Variants in DLGAP1 observed in about 807,000 individuals in gnomAD.
DLGAP1 encodes DLG associated protein 1, also known as disks large-associated protein 1.
Under a neutral mutation model 90.8 loss-of-function variants are expected in DLGAP1, and 11 were observed. The ratio of observed to expected loss-of-function variants is 0.12; its 90% CI spans 0.08 to 0.20. The LOEUF is 0.20. Among genes scored for constraint, DLGAP1 ranks in the 10% least tolerant of loss-of-function variants. The pLI is 1.00. For synonymous variants in DLGAP1, 558 were observed against 540.7 expected, an observed-to-expected ratio of 1.03 and a Z score of -0.44; for missense variants, 1,050 against 1,333.8, an observed-to-expected ratio of 0.79 and a Z score of 3.31.
At chr18:3,642,067 C>G (rs775605872) in intron 7 of DLGAP1, among the ~76,000 whole-genome samples, 2 of 152,138 alleles carry the variant, frequency 1.3e-5, no homozygotes, top group Non-Finnish European at 2.9e-5. Flanking sequence ...TGTGGACACA[C>G]GTGCTAAATT....
intron 1 of DLGAP1, among the ~76,000 whole-genome samples, chr18:4,231,036 T>C (rs2078288908): frequency 6.6e-6 from 1 of 152,146 alleles, no homozygotes; most frequent in Admixed American, 6.6e-5. Flanking sequence ...TTTGTTTCAA[T>C]ACTTGCTCAA....
Position 4,367,463 on chromosome 18 carries a change from G to A in DLGAP1, c.-267+87543C>T, listed in dbSNP as rs370808378. 1.1e-4 allele frequency among the ~76,000 whole-genome samples: 16 copies of A among 152,004 alleles called. No individual in the cohort carries two copies. The East Asian group carries it at 2.3e-3, about 22-fold the overall frequency. On this transcript the variant is annotated intron_variant, in intron 1 of 12. Coordinates refer to ENST00000315677, the MANE Select transcript of DLGAP1 (RefSeq NM_004746.4). ...GCAAAACTTCCTAGCTGAATTCAAT[G>A]TATCTATTTCTTTCAGTATAAAGAA...
At chr18:3,597,278 A>T (rs539107591) in intron 7 of DLGAP1, 6 of 493,224 alleles carry the variant, frequency 1.2e-5, no homozygotes, top group Non-Finnish European at 2.4e-5. Flanking sequence ...AATAAAAGGA[A>T]AAATCTGGAA....
Position 3,534,747 on chromosome 18 carries a change from AG to A in DLGAP1, c.2058-133del, listed in dbSNP as rs1321576007. The A allele has an allele frequency of 5.8e-6, 5 of 862,184 alleles. No individual in the cohort carries two copies. The African/African-American group carries it at 8.9e-5, about 15-fold the overall frequency. The allele number at this position is 862,184 out of a possible 1,614,324, so 53.4% of individuals were successfully genotyped here. On this transcript the variant is annotated intron_variant, in intron 9 of 12. Transcript: ENST00000315677. Reference sequence around the variant, plus strand: ...ACTCTGTCTCCCAGGCTGGAGTGCAAGTGGCGTGATCTCGGCTCACAGCAAC... The same window carrying A: ...ACTCTGTCTCCCAGGCTGGAGTGCAATGGCGTGATCTCGGCTCACAGCAAC...
chr18:3,741,816 G>T (rs1360365779), intron 6 of DLGAP1, among the ~76,000 whole-genome samples: 5 of 150,468 alleles, frequency 3.3e-5, no homozygotes, highest in African/African-American at 4.9e-5. Context: ...TCCCTTGCTT[G>T]TTTAAAAGCC....
At position 4,293,343 on chromosome 18, in the gene DLGAP1, C is replaced by T. The variant is rs531645396; in HGVS notation, c.-266-142056G>A. On this transcript the variant is annotated intron_variant, in intron 1 of 12. Coordinates refer to ENST00000315677, the MANE Select transcript of DLGAP1 (RefSeq NM_004746.4). Reference sequence around the variant, plus strand: ...CTCTGAAACAAGTCTCCTCATTTGTCAGAGAAAGGACAGAGAAGATCCAGT... The same window carrying T: ...CTCTGAAACAAGTCTCCTCATTTGTTAGAGAAAGGACAGAGAAGATCCAGT... 3 of 152,268 alleles carry T rather than the reference C, an allele frequency of 2.0e-5. No individual in the cohort carries two copies. In the South Asian group the frequency reaches 6.2e-4, roughly 32 times the overall value. The allele number at this position is 152,268 out of a possible 1,614,324, so 9.4% of individuals were successfully genotyped here.
At chr18:3,756,720 C>T (rs535936755) in intron 5 of DLGAP1, among the ~76,000 whole-genome samples, 59 of 150,646 alleles carry the variant, frequency 3.9e-4, no homozygotes, top group African/African-American at 1.2e-3. Context: ...CAAGATTAAA[C>T]AAGAAAAAAG....
chr18:4,321,068 T>A (rs1291558204), intron 1 of DLGAP1, among the ~76,000 whole-genome samples: 1 of 152,226 alleles, frequency 6.6e-6, no homozygotes, highest in East Asian at 1.9e-4. Context: ...CTGTTATTAA[T>A]CCCCTTTTTC....
At chr18:3,882,205 T>C (rs1313557148) in intron 3 of DLGAP1, among the ~76,000 whole-genome samples, 1 of 152,066 alleles carries the variant, frequency 6.6e-6, no homozygotes, top group Non-Finnish European at 1.5e-5. Context: ...TTGAGGATCA[T>C]ATATCTCTTC....
At chr18:4,449,509 G>A (rs17365802) in intron 1 of DLGAP1, among the ~76,000 whole-genome samples, 3,754 of 152,228 alleles carry the variant, frequency 0.025, 113 homozygotes, top group African/African-American at 0.061. Flanking sequence ...TCAGAGTTAT[G>A]GCCCTTATGC....
At chr18:4,386,537 G>A (rs143010558) in intron 1 of DLGAP1, among the ~76,000 whole-genome samples, 3 of 152,326 alleles carry the variant, frequency 2.0e-5, no homozygotes, top group Admixed American at 6.5e-5. Flanking sequence ...TGACAGTGAT[G>A]TAACAGTTTT....
At chr18:3,667,791 G>A (rs1410341464) in intron 7 of DLGAP1, among the ~76,000 whole-genome samples, 1 of 152,162 alleles carries the variant, frequency 6.6e-6, no homozygotes, top group Admixed American at 6.6e-5. Context: ...GAGCCGGAAT[G>A]ACTCCAGGAG....
chr18:3,568,880 G>A (rs1599288544), intron 8 of DLGAP1, among the ~76,000 whole-genome samples: 1 of 151,696 alleles, frequency 6.6e-6, no homozygotes, highest in East Asian at 1.9e-4. Flanking sequence ...TAGAGACGGG[G>A]TTTCACTGTG....
chr18:3,951,553 GA>G (rs1473458681), intron 3 of DLGAP1, among the ~76,000 whole-genome samples: 1 of 152,134 alleles, frequency 6.6e-6, no homozygotes, highest in African/African-American at 2.4e-5. Flanking sequence ...GTAATTTCAA[GA>G]AACTCTGGTT....
intron 1 of DLGAP1, among the ~76,000 whole-genome samples, chr18:4,338,003 A>G (rs971870334): frequency 2.0e-5 from 3 of 152,200 alleles, no homozygotes; most frequent in Non-Finnish European, 2.9e-5. Context: ...TTTAAAACAG[A>G]GTGAATCATA....
rs144760769 is a variant in DLGAP1, at chr18:4,038,746, T to G, written c.-158-33545A>C. ...TTCTTCCTCTTTTTGCCATCCTGCC[T>G]CTGAGGTTGGACAGGGATCTTTGCC... On this transcript the variant is annotated intron_variant, in intron 2 of 12. Coordinates refer to ENST00000315677, the MANE Select transcript of DLGAP1 (RefSeq NM_004746.4). 8.6e-3 allele frequency among the ~76,000 whole-genome samples: 1,311 copies of G among 152,248 alleles called. 6 individuals carry two copies. Among genetic ancestry groups the G allele is most frequent in the Middle Eastern group, 0.041 (12 of 294 alleles).
chr18:4,224,671 A>C (rs903445253), intron 1 of DLGAP1, among the ~76,000 whole-genome samples: 4 of 150,714 alleles, frequency 2.7e-5, no homozygotes, highest in Non-Finnish European at 6.0e-5. Flanking sequence ...GTGCCAGCTC[A>C]GCCACAGTGG....
At chr18:3,883,367 C>T (rs952494715) in intron 3 of DLGAP1, among the ~76,000 whole-genome samples, 4 of 152,204 alleles carry the variant, frequency 2.6e-5, no homozygotes, top group South Asian at 2.1e-4. Context: ...CATCTGGGAG[C>T]GCTCATGACA....
intron 1 of DLGAP1, chr18:4,293,911 C>T (rs2079910407): frequency 6.6e-6 from 1 of 152,166 alleles, no homozygotes; most frequent in Non-Finnish European, 1.5e-5. Flanking sequence ...CATGTTTAGA[C>T]TTTCCTACCT....
Sources: allele counts gnomAD v4.1 joint callset (sites outside exome capture counted in the v4.1 genomes callset), GRCh38; gene constraint gnomAD v4.1.1; transcripts MANE v1.5; gene names NCBI Gene and HGNC (gene_info 2026-07-23, HGNC 2026-07-21).